TFB2M: variants seen among roughly 807,000 people sequenced by gnomAD.
The protein encoded by TFB2M is transcription factor B2, mitochondrial, also known as dimethyladenosine transferase 2, mitochondrial.
Under a neutral mutation model 41.3 loss-of-function variants are expected in TFB2M, and 44 were observed. That is an observed-to-expected ratio of 1.07 (90% CI 0.84 to 1.37). The LOEUF (loss-of-function observed/expected upper bound fraction) is 1.37, where lower values mean the gene tolerates loss of function less well. Among genes scored for constraint, TFB2M ranks in the 40% most tolerant of loss-of-function variants. TFB2M has a pLI of 0.00. For synonymous variants in TFB2M, 188 were observed against 176.8 expected, an observed-to-expected ratio of 1.06 and a Z score of -0.50; for missense variants, 496 against 490.2, an observed-to-expected ratio of 1.01 and a Z score of -0.11.
intron 6 of TFB2M, among the ~76,000 whole-genome samples, chr1:246,547,685 C>T (rs3124127): frequency 0.23 from 35,094 of 150,686 alleles, 4,509 homozygotes; most frequent in Middle Eastern, 0.41. Flanking sequence ...TTTTTAAGCC[C>T]CAAACCTTAA....
At chr1:246,556,542 A>G in intron 4 of TFB2M, 31 bp downstream of exon 4, 1 of 1,424,466 alleles carries the variant, frequency 7.0e-7, no homozygotes, top group Middle Eastern at 2.5e-4. Context: ...ACAGACTCAG[A>G]ACAAAAAATA....
chr1:246,544,946 C>T (rs1292965037), intron 6 of TFB2M, among the ~76,000 whole-genome samples: 1 of 152,070 alleles, frequency 6.6e-6, no homozygotes, highest in Admixed American at 6.6e-5. Flanking sequence ...GCTGGGACTA[C>T]AGGCGCCCAC....
intron 4 of TFB2M, among the ~76,000 whole-genome samples, chr1:246,555,941 C>T (rs1455686250): frequency 6.6e-6 from 1 of 152,046 alleles, no homozygotes. Context: ...CAGGCATGCA[C>T]CACCACGCCT....
intron 6 of TFB2M, among the ~76,000 whole-genome samples, chr1:246,546,983 A>ACACACACACACACACACACACACT (rs764498048): frequency 7.9e-6 from 1 of 127,180 alleles, no homozygotes; most frequent in African/African-American, 3.0e-5. Flanking sequence ...ACACACACAC[A>ACACACACACACACACACACACACT]TTTTTTTTTT....
At chr1:246,551,345 A>C (rs147741461) in intron 4 of TFB2M, 43 bp from the exon 5 acceptor site, 1 of 1,343,022 alleles carries the variant, frequency 7.4e-7, no homozygotes, top group Non-Finnish European at 1.1e-6. Context: ...ACACATCTAT[A>C]ATCAATTAAA....
At chr1:246,545,608 T>G (rs1315169425) in intron 6 of TFB2M, among the ~76,000 whole-genome samples, 2 of 150,108 alleles carry the variant, frequency 1.3e-5, no homozygotes, top group Non-Finnish European at 3.0e-5. Flanking sequence ...AGCCCAGGAG[T>G]TCAAGACTAG....
chr1:246,561,066 T>C (rs1305668867), intron 2 of TFB2M, among the ~76,000 whole-genome samples: 1 of 152,244 alleles, frequency 6.6e-6, no homozygotes, highest in Non-Finnish European at 1.5e-5. Flanking sequence ...CATTATCCGC[T>C]AAGCGCAGCA....
rs141359961 is a variant in TFB2M, at chr1:246,564,221, A to C, written c.402+125T>G. On this transcript the variant is annotated intron_variant, in intron 2 of 7. Transcript: ENST00000366514. ...GTTCTAGTCTTTGGGAATAAACAAGATATTTCAGAGATGGCTCCCTAAAAG... is the reference window on the plus strand; with the variant it reads ...GTTCTAGTCTTTGGGAATAAACAAGCTATTTCAGAGATGGCTCCCTAAAAG... 148 of 758,218 alleles carry C rather than the reference A, an allele frequency of 2.0e-4. No individual in the cohort carries two copies. The African/African-American group carries it at 2.1e-3, about 11-fold the overall frequency. The allele number at this position is 758,218 out of a possible 1,614,324, so 47.0% of individuals were successfully genotyped here. A position where few individuals can be genotyped will look rare whatever the true frequency, so the allele number is the denominator to read the frequency against.
chr1:246,552,344 A>G (rs1659207576), intron 4 of TFB2M, among the ~76,000 whole-genome samples: 1 of 152,226 alleles, frequency 6.6e-6, no homozygotes, highest in Non-Finnish European at 1.5e-5. Flanking sequence ...GCAGAAAAGA[A>G]AGATGACACT....
chr1:246,543,699 C>G (rs765380061), intron 7 of TFB2M, among the ~76,000 whole-genome samples: 3 of 152,150 alleles, frequency 2.0e-5, no homozygotes, highest in Non-Finnish European at 4.4e-5. Context: ...TTTGGGAGGC[C>G]AAGCAAGGTG....
intron 4 of TFB2M, among the ~76,000 whole-genome samples, chr1:246,552,928 G>GA (rs1231651156): frequency 1.3e-5 from 2 of 150,566 alleles, no homozygotes; most frequent in East Asian, 2.0e-4. Flanking sequence ...CAAAGGGAGG[G>GA]AAAAAAAACC....
rs764498048 is a variant in TFB2M, at chr1:246,546,983, A to ACACACACACACACACACAC, written c.858+1561_858+1562insGTGTGTGTGTGTGTGTGTG. Reference sequence around the variant, plus strand: ...TGTATATATACACACACACACACACATTTTTTTTTTTTTTTTTTGAGACAA... The same window carrying ACACACACACACACACACAC: ...TGTATATATACACACACACACACACACACACACACACACACACACTTTTTTTTTTTTTTTTTTGAGACAA... On this transcript the variant is annotated intron_variant, in intron 6 of 7. Transcript: ENST00000366514. Among the ~76,000 whole-genome samples, 87 of 127,174 alleles carry ACACACACACACACACACAC rather than the reference A, an allele frequency of 6.8e-4. 1 individual carries two copies. Among genetic ancestry groups the ACACACACACACACACACAC allele is most frequent in the African/African-American group, 2.3e-3 (77 of 33,932 alleles). 83.4% of individuals were successfully genotyped at this position (127,174 alleles called of 152,430 possible). A position where few individuals can be genotyped will look rare whatever the true frequency, so the allele number is the denominator to read the frequency against.
chr1:246,545,419 G>A (rs1031130309), intron 6 of TFB2M, among the ~76,000 whole-genome samples: 1 of 152,060 alleles, frequency 6.6e-6, no homozygotes, highest in Non-Finnish European at 1.5e-5. Flanking sequence ...CAGCTACTCG[G>A]GAGGCTGAGG....
intron 4 of TFB2M, among the ~76,000 whole-genome samples, chr1:246,552,835 AG>A (rs1352790252): frequency 6.6e-6 from 1 of 152,140 alleles, no homozygotes; most frequent in African/African-American, 2.4e-5. Context: ...GCATTTTGGG[AG>A]GCCGAGGGAG....
In TFB2M at chr1:246,551,213, C is replaced by T. The variant is rs1275734224; in HGVS notation, c.795G>A (p.Met265Ile). Residue 265 changes from methionine (M) to isoleucine (I), a missense_variant and splice_region_variant, in exon 5 of 8, where the codon ATG becomes ATA. By Grantham distance (10) the Met-to-Ile change is conservative (BLOSUM62 1). Transcript: ENST00000366514. The part of the protein sequence containing the change: ...QLACEIKVLH[M>I]EPWSSFDIYT... ...TTTTAAACAGAAGGATTTTACTCAC[C>T]ATGTGCAGAACCTTAATCTCACAAG... 1 of 1,611,810 alleles carries T rather than the reference C, an allele frequency of 6.2e-7. No homozygotes were observed. Among genetic ancestry groups the T allele is most frequent in the African/African-American group, 1.3e-5 (1 of 74,834 alleles).
At chr1:246,548,321 TTC>T (rs1234279671) in intron 6 of TFB2M, among the ~76,000 whole-genome samples, 1 of 152,200 alleles carries the variant, frequency 6.6e-6, no homozygotes, top group East Asian at 1.9e-4. Context: ...AGAACTCAGA[TTC>T]TGTTTTTAAG....
chr1:246,552,401 TG>T (rs1345738627), intron 4 of TFB2M, among the ~76,000 whole-genome samples: 1 of 152,184 alleles, frequency 6.6e-6, no homozygotes, highest in Non-Finnish European at 1.5e-5. Flanking sequence ...TACAGAGAAT[TG>T]AACTAGAGTC....
intron 4 of TFB2M, 113 bp downstream of exon 4, chr1:246,556,460 C>A: frequency 2.4e-6 from 2 of 837,810 alleles, no homozygotes; most frequent in East Asian, 3.0e-5. Context: ...AATTTAAAAA[C>A]AATCTTAGAC....
At chr1:246,552,980 G>T (rs772611087) in intron 4 of TFB2M, among the ~76,000 whole-genome samples, 3 of 152,058 alleles carry the variant, frequency 2.0e-5, no homozygotes, top group Non-Finnish European at 4.4e-5. Flanking sequence ...CCAGCACTTT[G>T]GGAGGCTGAG....
Sources: gnomAD v4.1 joint callset for allele counts (sites outside exome capture counted in the v4.1 genomes callset) on GRCh38, gnomAD v4.1.1 for gene constraint, MANE v1.5 for transcripts, NCBI Gene and HGNC (gene_info 2026-07-23, HGNC 2026-07-21) for gene names.